Variants in SYNGR1 observed in about 807,000 individuals in gnomAD.
SYNGR1 encodes the protein synaptogyrin 1, also known as synaptogyrin-1.
Under a neutral mutation model 26.1 loss-of-function variants are expected in SYNGR1, and 14 were observed. The observed-to-expected ratio is 0.54, with a 90% confidence interval of 0.35 to 0.84. SYNGR1 has a LOEUF of 0.84. SYNGR1 is among the 40% of genes least tolerant of loss of function. SYNGR1 has a pLI of 0.01. For missense variants in SYNGR1, 319 were observed against 332.9 expected, an observed-to-expected ratio of 0.96 and a Z score of 0.33; for synonymous variants, 141 against 150.1, an observed-to-expected ratio of 0.94 and a Z score of 0.44.
chr22:39,377,142 A>G lies in SYNGR1; in HGVS notation c.483+945A>G, dbSNP rs1232716861. 7 of 1,496,244 alleles carry G rather than the reference A, an allele frequency of 4.7e-6. No homozygotes were observed. The South Asian group carries it at 6.5e-5, about 14-fold the overall frequency. The allele number at this position is 1,496,244 out of a possible 1,614,324, so 92.7% of individuals were successfully genotyped here. On this transcript the variant is annotated intron_variant, in intron 3 of 3. Coordinates refer to ENST00000328933, the MANE Select transcript of SYNGR1 (RefSeq NM_004711.5). ...CCTGCAAGGAGACTCTTGAGGCTACATACAGGCCGCCAGCCGTCCCTGTTT... is the reference window on the plus strand; with the variant it reads ...CCTGCAAGGAGACTCTTGAGGCTACGTACAGGCCGCCAGCCGTCCCTGTTT...
At position 39,384,860 on chromosome 22, in the gene SYNGR1, A is replaced by G; in HGVS notation, c.*2946A>G. ...GGGGTAGGGAGACAGCGACTTGTCC[A>G]AGGTCAAGCACAGAGGGAGAGGTTC... On this transcript the variant is annotated 3_prime_UTR_variant, in exon 4 of 4. Coordinates refer to ENST00000328933, the MANE Select transcript of SYNGR1 (RefSeq NM_004711.5). 1 of 399,008 alleles carries G rather than the reference A, an allele frequency of 2.5e-6. No homozygotes were observed. The highest frequency in any genetic ancestry group is 4.4e-6 in the Non-Finnish European group (1 of 226,150). 24.7% of individuals were successfully genotyped at this position (399,008 alleles called of 1,614,324 possible). A position where few individuals can be genotyped will look rare whatever the true frequency, so the allele number is the denominator to read the frequency against.
rs1923826703 is a variant in SYNGR1 at position 39,350,101 on chromosome 22, G to C, written c.91G>C (p.Val31Leu). 6.8e-7 allele frequency: 1 copy of C among 1,466,176 alleles called. No individual in the cohort carries two copies. The highest frequency in any genetic ancestry group is 9.1e-7 in the Non-Finnish European group (1 of 1,096,638). The allele number at this position is 1,466,176 out of a possible 1,614,324, so 90.8% of individuals were successfully genotyped here. The change falls in exon 1 of 4, where the codon GTG (valine) becomes CTG (leucine). Residue 31 changes from valine (V) to leucine (L), a missense_variant. Transcript: ENST00000328933. The surrounding 1 kb of genome is among the most constrained non-coding windows in gnomAD (Gnocchi z 4.3). ...GCAGCCGCACACCATCCTGCGCGTC[G>C]TGTCTTGGGTAAGGACGGACTGGCC... ...VRQPHTILRVVSWLFSIVVFG... is the reference protein window; with the variant it reads ...VRQPHTILRVLSWLFSIVVFG...
chr22:39,367,588 C>T (rs1465536518), intron 1 of SYNGR1, among the ~76,000 whole-genome samples: 1 of 152,112 alleles, frequency 6.6e-6, no homozygotes, highest in Non-Finnish European at 1.5e-5. Context: ...TTTGGGAGGC[C>T]GAGGCGGGCA....
intron 1 of SYNGR1, among the ~76,000 whole-genome samples, chr22:39,354,109 G>A (rs1255523766): frequency 5.3e-5 from 8 of 152,132 alleles, no homozygotes; most frequent in African/African-American, 1.2e-4. Flanking sequence ...TGATCCACCC[G>A]CCTCAGCCTC....
Position 39,350,064 on chromosome 22 carries a change from C to T in SYNGR1, c.54C>T (p.Tyr18=). The stretch of plus-strand genomic sequence containing the variant: ...AAGCCGGGGGCGCCTTCGACCCCTA[C>T]ACCCTGGTCCGGCAGCCGCACACCA... The part of the protein sequence containing the change: ...AGKAGGAFDP[Y]TLVRQPHTIL... Residue 18 remains tyrosine, a synonymous_variant, in exon 1 of 4, where the codon TAC becomes TAT. Transcript: ENST00000328933. This position sits in a 1 kb window ranked among gnomAD's most constrained non-coding sequence, Gnocchi z 4.3. The T allele has an allele frequency of 6.8e-7, 1 of 1,462,628 alleles. No homozygotes were observed. The highest frequency in any genetic ancestry group is 9.1e-7 in the Non-Finnish European group (1 of 1,093,964). 90.6% of individuals were successfully genotyped at this position (1,462,628 alleles called of 1,614,324 possible).
At chr22:39,380,305 T>C (rs1312438153) in intron 3 of SYNGR1, among the ~76,000 whole-genome samples, 1 of 152,182 alleles carries the variant, frequency 6.6e-6, no homozygotes, top group Non-Finnish European at 1.5e-5. Flanking sequence ...CAGCAGCAGG[T>C]GACCGAAATC....
rs754528872 is a variant in SYNGR1 at position 39,381,901 on chromosome 22, C to T, written c.689C>T (p.Ser230Leu). 14 of 1,611,314 alleles carry T rather than the reference C, an allele frequency of 8.7e-6. No homozygotes were observed. In the African/African-American group the frequency reaches 1.5e-4, roughly 17 times the overall value. ...TFDTEPQGYQ[S>L]QGY ...GACACCGAGCCCCAGGGCTACCAGT[C>T]GCAGGGCTACTGAGCCACAGTGACC... Residue 230 changes from serine to leucine, a missense_variant, in exon 4 of 4, where the codon TCG becomes TTG. Physicochemically the swap from Ser to Leu is moderately radical, Grantham distance 145 (BLOSUM62 -2). Coordinates refer to ENST00000328933, the MANE Select transcript of SYNGR1 (RefSeq NM_004711.5).
intron 1 of SYNGR1, among the ~76,000 whole-genome samples, chr22:39,361,082 C>G (rs1020819807): frequency 6.6e-6 from 1 of 152,360 alleles, no homozygotes; most frequent in East Asian, 1.9e-4. Context: ...CCTGTGAAGC[C>G]TTCCTGGATT....
chr22:39,377,919 T>A (rs1312684265), intron 3 of SYNGR1: 1 of 1,374,080 alleles, frequency 7.3e-7, no homozygotes, highest in Non-Finnish European at 9.5e-7. Context: ...GCAGCTGTTT[T>A]GTGCCTAGTG....
chr22:39,366,732 C>G (rs1924778611), intron 1 of SYNGR1, among the ~76,000 whole-genome samples: 1 of 152,210 alleles, frequency 6.6e-6, no homozygotes, highest in African/African-American at 2.4e-5. Context: ...CACTTGGGTG[C>G]TGTCGTAGCT....
intron 1 of SYNGR1, among the ~76,000 whole-genome samples, chr22:39,369,694 TG>T (rs1040850326): frequency 6.6e-6 from 1 of 152,190 alleles, no homozygotes; most frequent in Non-Finnish European, 1.5e-5. Context: ...CTCTGCCAAT[TG>T]GGAACACTAC....
chr22:39,375,638 CAG>C (rs1925243639), intron 2 of SYNGR1: 1 of 501,498 alleles, frequency 2.0e-6, no homozygotes, highest in East Asian at 3.3e-5. Context: ...TTCCTGCCTG[CAG>C]AGTTGCAGGC....
At chr22:39,354,754 G>A (rs531443992) in intron 1 of SYNGR1, among the ~76,000 whole-genome samples, 2 of 151,794 alleles carry the variant, frequency 1.3e-5, no homozygotes, top group African/African-American at 2.4e-5. Context: ...CAGGAGAATC[G>A]CTTGAACCCG....
intron 1 of SYNGR1, among the ~76,000 whole-genome samples, chr22:39,366,458 C>T (rs1924764413): frequency 6.6e-6 from 1 of 151,922 alleles, no homozygotes; most frequent in African/African-American, 2.4e-5. Context: ...CCAACCTGGC[C>T]AACATGGTGA....
At chr22:39,377,567 C>A (rs1472646218) in intron 3 of SYNGR1, 36 of 1,609,772 alleles carry the variant, frequency 2.2e-5, no homozygotes, top group Non-Finnish European at 3.0e-5. Flanking sequence ...AGCTCTTCCC[C>A]ACTGGCCTCA....
intron 1 of SYNGR1, 51 bp from the exon 2 acceptor site, chr22:39,374,265 G>T: frequency 6.4e-7 from 1 of 1,569,052 alleles, no homozygotes; most frequent in Non-Finnish European, 8.8e-7. Context: ...CCCCTGGGTG[G>T]TGTGAGGCAG....
chr22:39,350,049 C>A lies in SYNGR1; in HGVS notation c.39C>A (p.Gly13=). The A allele has an allele frequency of 7.0e-7, 1 of 1,426,358 alleles. No homozygotes were observed. Among genetic ancestry groups the A allele is most frequent in the Non-Finnish European group, 9.3e-7 (1 of 1,073,078 alleles). 88.4% of individuals were successfully genotyped at this position (1,426,358 alleles called of 1,614,324 possible). The change falls in exon 1 of 4, where the codon GGC becomes GGA. Residue 13 remains glycine (G), a synonymous_variant. Coordinates refer to ENST00000328933, the MANE Select transcript of SYNGR1 (RefSeq NM_004711.5). This position sits in a 1 kb window ranked among gnomAD's most constrained non-coding sequence, Gnocchi z 4.3. ...CGTACGGAGCGGGCAAAGCCGGGGG[C>A]GCCTTCGACCCCTACACCCTGGTCC... ...GGAYGAGKAG[G]AFDPYTLVRQ...
At chr22:39,373,977 G>C (rs1925149041) in intron 1 of SYNGR1, among the ~76,000 whole-genome samples, 1 of 152,182 alleles carries the variant, frequency 6.6e-6, no homozygotes, top group Non-Finnish European at 1.5e-5. Context: ...GTGGCTCCTT[G>C]TTCTTTGAGA....
intron 3 of SYNGR1, among the ~76,000 whole-genome samples, chr22:39,376,466 C>G (rs1569182807): frequency 7.2e-6 from 1 of 139,320 alleles, no homozygotes; most frequent in Non-Finnish European, 1.5e-5. Flanking sequence ...ACGGACCACC[C>G]CCCCCCCAAA....
Sources: allele counts gnomAD v4.1 joint callset (sites outside exome capture counted in the v4.1 genomes callset), GRCh38; gene constraint gnomAD v4.1.1; non-coding constraint Gnocchi (gnomAD v3.1); transcripts MANE v1.5; gene names NCBI Gene and HGNC (gene_info 2026-07-23, HGNC 2026-07-21).